Variants in SGK1 observed in about 807,000 individuals in gnomAD.
SGK1 encodes serine/threonine-protein kinase Sgk1.
SGK1 carries 26 observed loss-of-function variants against 64.2 expected under a neutral mutation model. The observed-to-expected ratio is 0.40, with a 90% CI of 0.30 to 0.56. The LOEUF (loss-of-function observed/expected upper bound fraction) is 0.56, where lower values mean the gene tolerates loss of function less well. SGK1 is among the 20% of genes least tolerant of loss of function. The probability of loss-of-function intolerance (pLI) is 0.38; values close to 1 mark genes in which losing one functional copy is unlikely to be tolerated. For synonymous variants in SGK1, 265 were observed against 239.7 expected, an observed-to-expected ratio of 1.11 and a Z score of -0.98; for missense variants, 519 against 645.6, an observed-to-expected ratio of 0.80 and a Z score of 2.12.
chr6:134,277,750 T>C (rs1308694214), intron 1 of SGK1, among the ~76,000 whole-genome samples: 1 of 152,126 alleles, frequency 6.6e-6, no homozygotes, highest in Non-Finnish European at 1.5e-5. Context: ...ATATTATGAA[T>C]TAAATAGGTT....
intron 1 of SGK1, chr6:134,298,804 T>C (rs1777402632): frequency 3.4e-6 from 1 of 295,740 alleles, no homozygotes; most frequent in Middle Eastern, 9.2e-4. Context: ...TATTTATTTA[T>C]TTATTTATTT....
chr6:134,247,143 C>T, intron 2 of SGK1, among the ~76,000 whole-genome samples: 1 of 152,060 alleles, frequency 6.6e-6, no homozygotes, highest in Non-Finnish European at 1.5e-5. Flanking sequence ...CATTCCTTAT[C>T]CTTCCCCACC....
chr6:134,294,726 C>T (rs558851549), intron 1 of SGK1, among the ~76,000 whole-genome samples: 2 of 152,160 alleles, frequency 1.3e-5, no homozygotes, highest in East Asian at 3.9e-4. Context: ...TTAGTAGAGA[C>T]GGGGTTTCAC....
At chr6:134,265,484 C>A (rs575245233) in intron 1 of SGK1, among the ~76,000 whole-genome samples, 170 of 145,994 alleles carry the variant, frequency 1.2e-3, no homozygotes, top group South Asian at 3.8e-3. Context: ...AACAAACAAA[C>A]AAAAAAAATA....
rs945822030 is a variant in SGK1 at position 134,194,306 on chromosome 6, C to T, written c.361+13050G>A. Among the ~76,000 whole-genome samples the T allele has an allele frequency of 1.3e-5, 2 of 152,074 alleles. 1 individual carries two copies. The highest frequency in any genetic ancestry group is 4.1e-4 in the South Asian group (2 of 4,828). On this transcript the variant is annotated intron_variant, in intron 3 of 13. Transcript: ENST00000367858. ...TGAGCTTCAGCCAATCACAGGATGC[C>T]AACTGATCAGACGATGCCCAAATAA...
chr6:134,282,889 T>C (rs955521801), intron 1 of SGK1, among the ~76,000 whole-genome samples: 2 of 151,802 alleles, frequency 1.3e-5, no homozygotes, highest in Non-Finnish European at 2.9e-5. Context: ...AATGATTCTA[T>C]TTCTCTGGAG....
At chr6:134,286,605 TA>T (rs1314110604) in intron 1 of SGK1, among the ~76,000 whole-genome samples, 1 of 151,420 alleles carries the variant, frequency 6.6e-6, no homozygotes, top group Non-Finnish European at 1.5e-5. Flanking sequence ...TAGCTGGGAC[TA>T]CAGGCTGGGA....
chr6:134,255,207 T>C (rs1776663423), intron 2 of SGK1, among the ~76,000 whole-genome samples: 2 of 152,178 alleles, frequency 1.3e-5, no homozygotes, highest in Admixed American at 1.3e-4. Context: ...TAGTGTTCTA[T>C]GGTATGGATA....
At chr6:134,308,820 G>A (rs1314803167) in intron 1 of SGK1, among the ~76,000 whole-genome samples, 1 of 152,284 alleles carries the variant, frequency 6.6e-6, no homozygotes, top group South Asian at 2.1e-4. Flanking sequence ...GCCTTCCAAA[G>A]TGCTAGGATT....
chr6:134,174,355 T>C (rs1274891132), intron 4 of SGK1, 156 bp downstream of exon 4: 2 of 630,102 alleles, frequency 3.2e-6, no homozygotes, highest in Non-Finnish European at 5.5e-6. Context: ...TTAACTTTAA[T>C]GTTTAAAATG....
At chr6:134,229,053 G>A (rs1054060856) in intron 2 of SGK1, among the ~76,000 whole-genome samples, 2 of 152,054 alleles carry the variant, frequency 1.3e-5, no homozygotes, top group South Asian at 2.1e-4. Flanking sequence ...CCGTGGTCTC[G>A]ATCTCCTGAC....
At chr6:134,197,463 T>TTAA (rs1234366495) in intron 3 of SGK1, among the ~76,000 whole-genome samples, 1 of 152,142 alleles carries the variant, frequency 6.6e-6, no homozygotes, top group Non-Finnish European at 1.5e-5. Context: ...TGTAGTTCAG[T>TTAA]TAATAGGTCA....
At chr6:134,310,840 G>C (rs1177663749) in intron 1 of SGK1, among the ~76,000 whole-genome samples, 1 of 152,166 alleles carries the variant, frequency 6.6e-6, no homozygotes, top group Admixed American at 6.5e-5. Context: ...TGCCTGCCTT[G>C]GCCTCCCAAA....
At chr6:134,294,757 C>T (rs183985691) in intron 1 of SGK1, among the ~76,000 whole-genome samples, 128 of 152,156 alleles carry the variant, frequency 8.4e-4, no homozygotes, top group Middle Eastern at 3.4e-3. Flanking sequence ...AGGCTGGTCT[C>T]GAACTCCTGA....
intron 2 of SGK1, among the ~76,000 whole-genome samples, chr6:134,232,467 G>GAA (rs1428216321): frequency 2.6e-5 from 1 of 38,440 alleles, no homozygotes; most frequent in Admixed American, 2.5e-4. Context: ...AAGAAAGAAA[G>GAA]AAAGAAAGAA....
At chr6:134,192,891 C>T (rs1239360609) in intron 3 of SGK1, among the ~76,000 whole-genome samples, 1 of 152,162 alleles carries the variant, frequency 6.6e-6, no homozygotes, top group East Asian at 1.9e-4. Flanking sequence ...TATTTCCTAC[C>T]CTTCACCTGC....
At chr6:134,255,560 G>T (rs1776670317) in intron 2 of SGK1, among the ~76,000 whole-genome samples, 1 of 148,116 alleles carries the variant, frequency 6.8e-6, no homozygotes, top group Admixed American at 6.9e-5. Flanking sequence ...AACAAACAAA[G>T]GCAAGAGATT....
intron 2 of SGK1, among the ~76,000 whole-genome samples, chr6:134,213,642 A>G (rs111424929): frequency 1.8e-5 from 2 of 110,892 alleles, no homozygotes; most frequent in Non-Finnish European, 3.8e-5. Context: ...AAATAAATAA[A>G]TAATAAATAA....
intron 1 of SGK1, among the ~76,000 whole-genome samples, chr6:134,289,663 G>A (rs186753567): frequency 3.8e-4 from 57 of 151,464 alleles, no homozygotes; most frequent in Admixed American, 7.9e-4. Context: ...AGTACATCTC[G>A]ATTCAGACTA....
Sources: gnomAD v4.1 joint callset for allele counts (sites outside exome capture counted in the v4.1 genomes callset) on GRCh38, gnomAD v4.1.1 for gene constraint, MANE v1.5 for transcripts, NCBI Gene and HGNC (gene_info 2026-07-23, HGNC 2026-07-21) for gene names.